Variants in MCF2L observed in about 807,000 individuals in gnomAD.
MCF2L encodes guanine nucleotide exchange factor DBS.
MCF2L carries 97 observed loss-of-function variants against 153.4 expected under a neutral mutation model. The ratio of observed to expected loss-of-function variants is 0.63; its 90% CI spans 0.54 to 0.75. MCF2L has a LOEUF of 0.75. MCF2L is among the 30% of genes least tolerant of loss of function. The pLI is 0.00. For missense variants in MCF2L, 1,347 were observed against 1,495.2 expected (o/e 0.90, Z 1.64); for synonymous variants, 659 against 632.2 (o/e 1.04, Z -0.64).
At chr13:113,073,227 G>A (rs7326792) in intron 9 of MCF2L, among the ~76,000 whole-genome samples, 46,748 of 151,948 alleles carry the variant, frequency 0.31, 7,807 homozygotes, top group East Asian at 0.71. Context: ...GATTTGTTTT[G>A]CAGCCCAAGA....
At chr13:113,007,286 G>C (rs2083767245) in intron 1 of MCF2L, among the ~76,000 whole-genome samples, 1 of 152,180 alleles carries the variant, frequency 6.6e-6, no homozygotes, top group African/African-American at 2.4e-5. Context: ...TCATGAAAAT[G>C]CAAGCTGGTG....
At chr13:113,065,840 C>T (rs527896189) in intron 7 of MCF2L, among the ~76,000 whole-genome samples, 19 of 152,318 alleles carry the variant, frequency 1.2e-4, no homozygotes, top group African/African-American at 2.6e-4. Context: ...AGCTCTGCCC[C>T]GGGGCACACA....
At position 112,938,166 on chromosome 13, in the gene MCF2L, GGGTTGGTTC is replaced by G. The variant is rs1287891652; in HGVS notation, c.169+35796_169+35804del. Among the ~76,000 whole-genome samples, 57 of 129,680 alleles carry G rather than the reference GGGTTGGTTC, an allele frequency of 4.4e-4. 1 individual carries two copies. The highest frequency in any genetic ancestry group is 3.8e-4 in the Non-Finnish European group (23 of 60,970). The allele number at this position is 129,680 out of a possible 152,430, so 85.1% of individuals were successfully genotyped here. On this transcript the variant is annotated intron_variant, in intron 2 of 29. Coordinates refer to the MCF2L transcript ENST00000375608. Reference sequence around the variant, plus strand: ...GGGGTTGGTTCAGGTGAGCGCTGAGGGGTTGGTTCAGGTGAGCGCTGAGGGGTTGGTTCA... The same window carrying G: ...GGGGTTGGTTCAGGTGAGCGCTGAGGAGGTGAGCGCTGAGGGGTTGGTTCA...
At chr13:113,078,783 C>T in intron 15 of MCF2L, 44 bp downstream of exon 15, 5 of 1,516,660 alleles carry the variant, frequency 3.3e-6, no homozygotes, top group Non-Finnish European at 4.5e-6. Flanking sequence ...CCTCCGACCG[C>T]AGCCTGAACC....
chr13:113,064,364 G>A lies in MCF2L; in HGVS notation c.550G>A (p.Glu184Lys), dbSNP rs759172305. The change falls in exon 6 of 30, where the codon GAG (glutamate) becomes AAG (lysine). Residue 184 changes from glutamate to lysine, a missense_variant. Coordinates refer to ENST00000535094, the MANE Select transcript of MCF2L (RefSeq NM_001112732.3). The surrounding 1 kb of genome is among the most constrained non-coding windows in gnomAD (Gnocchi z 6.0). The part of the protein sequence containing the change: ...HGYIDKSQLT[E>K]DLGGTLDYCH... ...TTACATCGATAAGTCGCAGCTGACC[G>A]AGGACCTGGGTGGGACCCTGGACTA... 2.1e-5 allele frequency: 34 copies of A among 1,612,812 alleles called. No individual in the cohort carries two copies. The highest frequency in any genetic ancestry group is 4.4e-5 in the South Asian group (4 of 91,094).
At chr13:113,088,211 C>T in intron 23 of MCF2L, 116 bp from the exon 24 acceptor site, 2 of 914,760 alleles carry the variant, frequency 2.2e-6, no homozygotes, top group South Asian at 1.4e-5. Flanking sequence ...CCCTCACACG[C>T]AGCCACCTGA....
intron 2 of MCF2L, among the ~76,000 whole-genome samples, chr13:112,945,040 G>A (rs1306113483): frequency 1.3e-5 from 2 of 148,170 alleles, no homozygotes; most frequent in East Asian, 3.9e-4. Context: ...TGAGGAAGAT[G>A]GTGCAGGGTG....
intron 5 of MCF2L, among the ~76,000 whole-genome samples, chr13:113,063,229 G>A (rs375717428): frequency 6.6e-6 from 1 of 152,192 alleles, no homozygotes; most frequent in Admixed American, 6.5e-5. Flanking sequence ...GCCTGCGGGC[G>A]AGTGGGACCC....
rs912637767 is a variant in MCF2L at position 112,943,340 on chromosome 13, C to T, written c.169+40969C>T. Among the ~76,000 whole-genome samples, 43 of 152,270 alleles carry T rather than the reference C, an allele frequency of 2.8e-4. No homozygotes were observed. Among genetic ancestry groups the T allele is most frequent in the Middle Eastern group, 3.4e-3 (1 of 292 alleles). ...GGTCGCGGTCGAGCTCTAGGGCCCC[C>T]GGCCGCAGAGCCCAGGCGCGGGGAG... On this transcript the variant is annotated intron_variant, in intron 2 of 29. Coordinates refer to the MCF2L transcript ENST00000375608. The surrounding 1 kb of genome is among the most constrained non-coding windows in gnomAD (Gnocchi z 4.2).
chr13:113,096,411 G>C lies in MCF2L; in HGVS notation c.3116G>C (p.Gly1039Ala). 6.3e-7 allele frequency: 1 copy of C among 1,595,220 alleles called. No individual in the cohort carries two copies. Among genetic ancestry groups the C allele is most frequent in the Non-Finnish European group, 8.5e-7 (1 of 1,172,114 alleles). ...ACGGTCGTGGCGGACCACGAGAAGGGAGGCCCCGATGCGCTGCGCGTGAGG... is the reference window on the plus strand; with the variant it reads ...ACGGTCGTGGCGGACCACGAGAAGGCAGGCCCCGATGCGCTGCGCGTGAGG... ...KYTVVADHEK[G>A]GPDALRVRSG... Residue 1039 changes from glycine to alanine, a missense_variant, in exon 28 of 30, where the codon GGA becomes GCA. Physicochemically the swap from Gly to Ala is moderately conservative, Grantham distance 60. This residue lies in a region of MCF2L where 383 missense variants were observed against 335.4 expected (regional missense o/e 1.14). Transcript: ENST00000535094.
chr13:112,902,400 G>T, intron 2 of MCF2L: 2 of 1,604,456 alleles, frequency 1.2e-6, no homozygotes, highest in South Asian at 2.2e-5. Context: ...GGCCTCATTT[G>T]ATTTTGCAGG....
rs2081182112 is a variant in MCF2L at position 112,907,268 on chromosome 13, T to C, written c.169+4897T>C. 6.6e-6 allele frequency among the ~76,000 whole-genome samples: 1 copy of C among 152,132 alleles called. No individual in the cohort carries two copies. Among genetic ancestry groups the C allele is most frequent in the Admixed American group, 6.5e-5 (1 of 15,282 alleles). On this transcript the variant is annotated intron_variant, in intron 2 of 29. Transcript: ENST00000375608. This position sits in a 1 kb window ranked among gnomAD's most constrained non-coding sequence, Gnocchi z 5.1. ...TCAGATATGAGTCTCACAGAGGGGT[T>C]TGCAGAAACAATTAGCTGGAGCTGA...
At chr13:112,982,539 G>A (rs1022131884) in intron 1 of MCF2L, among the ~76,000 whole-genome samples, 6 of 152,170 alleles carry the variant, frequency 3.9e-5, no homozygotes, top group African/African-American at 1.4e-4. Context: ...AGTCTGGGGG[G>A]CCTCCTGCGG....
chr13:113,095,083 A>G (rs1299532713), intron 27 of MCF2L: 10 of 1,363,832 alleles, frequency 7.3e-6, no homozygotes, highest in Middle Eastern at 2.1e-4. Flanking sequence ...CTTCCTAACT[A>G]TACATACAAT....
chr13:113,029,489 C>T (rs2085510110), intron 3 of MCF2L, among the ~76,000 whole-genome samples: 1 of 152,244 alleles, frequency 6.6e-6, no homozygotes, highest in Non-Finnish European at 1.5e-5. Context: ...CCCTGCAAGC[C>T]TTGCAGGTGC....
intron 27 of MCF2L, chr13:113,095,132 T>C (rs756243863): frequency 7.1e-5 from 93 of 1,313,228 alleles, no homozygotes; most frequent in Non-Finnish European, 9.1e-5. Context: ...AAGCATGGAT[T>C]TGCATTTGAA....
intron 1 of MCF2L, among the ~76,000 whole-genome samples, chr13:112,977,430 G>A (rs901926552): frequency 1.3e-5 from 2 of 152,126 alleles, no homozygotes; most frequent in African/African-American, 2.4e-5. Flanking sequence ...GGACGGCCGC[G>A]TTTTCACGAT....
At chr13:112,940,684 T>C (rs976283708) in intron 2 of MCF2L, among the ~76,000 whole-genome samples, 1 of 152,258 alleles carries the variant, frequency 6.6e-6, no homozygotes, top group African/African-American at 2.4e-5. Flanking sequence ...TGTTTTGCAG[T>C]CAATCTTCTG....
intron 2 of MCF2L, 51 bp from the exon 3 acceptor site, chr13:113,024,593 C>G (rs1202528595): frequency 1.6e-6 from 2 of 1,237,416 alleles, no homozygotes; most frequent in African/African-American, 3.0e-5. Context: ...CTGTGGAACC[C>G]CCGGGGGCAT....
Sources: allele counts gnomAD v4.1 joint callset (sites outside exome capture counted in the v4.1 genomes callset), GRCh38; gene constraint gnomAD v4.1.1; regional missense constraint gnomAD v4.1.1; non-coding constraint Gnocchi (gnomAD v3.1); transcripts MANE v1.5; gene names NCBI Gene and HGNC (gene_info 2026-07-23, HGNC 2026-07-21).